Variants in SESTD1 observed in about 807,000 individuals in gnomAD.
SESTD1 encodes SEC14 domain and spectrin repeat-containing protein 1.
In SESTD1, 43 loss-of-function variants were observed where a neutral mutation model predicts 101.7. The observed-to-expected ratio is 0.42, with a 90% CI of 0.33 to 0.55. SESTD1 has a LOEUF of 0.55. SESTD1 is among the 20% of genes least tolerant of loss of function. The pLI, the probability that SESTD1 is intolerant of heterozygous loss-of-function variation, is 0.07. For missense variants in SESTD1, 647 were observed against 815.1 expected, an observed-to-expected ratio of 0.79 and a Z score of 2.51; for synonymous variants, 283 against 286.8, an observed-to-expected ratio of 0.99 and a Z score of 0.13.
chr2:179,116,489 C>A, intron 15 of SESTD1, 179 bp downstream of exon 15: 1 of 882,724 alleles, frequency 1.1e-6, no homozygotes, highest in Non-Finnish European at 1.8e-6. Context: ...GAAACGTAAA[C>A]CCTCTCAAGT....
In SESTD1 at chr2:179,251,826, T is replaced by A. The variant is rs563916678; in HGVS notation, c.-26+12673A>T. Among the ~76,000 whole-genome samples the A allele has an allele frequency of 2.0e-5, 3 of 152,290 alleles. No homozygotes were observed. The South Asian group carries it at 6.2e-4, about 32-fold the overall frequency. On this transcript the variant is annotated intron_variant, in intron 1 of 17. Coordinates refer to ENST00000428443, the MANE Select transcript of SESTD1 (RefSeq NM_178123.5). Reference sequence around the variant, plus strand: ...GATGGTCAACTACAAACCAAGAAGCTGGCCCTCACCAGATACAAAATCTGC... The same window carrying A: ...GATGGTCAACTACAAACCAAGAAGCAGGCCCTCACCAGATACAAAATCTGC...
At chr2:179,171,050 T>C (rs2045921721) in intron 5 of SESTD1, among the ~76,000 whole-genome samples, 1 of 152,124 alleles carries the variant, frequency 6.6e-6, no homozygotes, top group Non-Finnish European at 1.5e-5. Flanking sequence ...CAGAAACAGT[T>C]TTCCTACCAC....
chr2:179,153,853 C>T (rs2045574932), intron 5 of SESTD1, among the ~76,000 whole-genome samples: 1 of 151,932 alleles, frequency 6.6e-6, no homozygotes, highest in Non-Finnish European at 1.5e-5. Flanking sequence ...ATAATAAATG[C>T]CATGAATCGA....
At chr2:179,188,931 A>T (rs1346753673) in intron 2 of SESTD1, among the ~76,000 whole-genome samples, 3 of 152,156 alleles carry the variant, frequency 2.0e-5, no homozygotes, top group Admixed American at 6.5e-5. Context: ...TGAATTGGTA[A>T]TTTAAAAAAA....
At chr2:179,137,222 T>C (rs1388873736) in intron 9 of SESTD1, among the ~76,000 whole-genome samples, 1 of 152,148 alleles carries the variant, frequency 6.6e-6, no homozygotes, top group Non-Finnish European at 1.5e-5. Context: ...GCTTTTAGAA[T>C]CCACCATGAA....
intron 1 of SESTD1, among the ~76,000 whole-genome samples, chr2:179,231,064 T>C (rs974856044): frequency 1.3e-5 from 2 of 152,140 alleles, no homozygotes; most frequent in African/African-American, 4.8e-5. Context: ...CAAGGACTTA[T>C]TTCCACCCAA....
rs1041510509 is a variant in SESTD1 at position 179,216,701 on chromosome 2, C to A, written c.-25-24835G>T. On this transcript the variant is annotated intron_variant, in intron 1 of 17. Transcript: ENST00000428443. ...ACAATCCTACGCAAAAAGAACAAGG[C>A]TGTAGGCATCATGTTACCAGACTTC... 2.4e-4 allele frequency among the ~76,000 whole-genome samples: 33 copies of A among 135,244 alleles called. 7 individuals are homozygous for A. Among genetic ancestry groups the A allele is most frequent in the African/African-American group, 9.6e-4 (33 of 34,264 alleles). 88.7% of individuals were successfully genotyped at this position (135,244 alleles called of 152,430 possible). A position where few individuals can be genotyped will look rare whatever the true frequency, so the allele number is the denominator to read the frequency against.
chr2:179,224,194 A>C (rs1574047973), intron 1 of SESTD1, among the ~76,000 whole-genome samples: 1 of 152,200 alleles, frequency 6.6e-6, no homozygotes, highest in African/African-American at 2.4e-5. Flanking sequence ...AAATAACAAT[A>C]ATGCTAACAT....
intron 1 of SESTD1, among the ~76,000 whole-genome samples, chr2:179,194,591 C>T (rs2046363047): frequency 6.6e-6 from 1 of 152,174 alleles, no homozygotes; most frequent in Non-Finnish European, 1.5e-5. Context: ...ATACCCCAAA[C>T]CCCCAGGAGT....
intron 9 of SESTD1, among the ~76,000 whole-genome samples, chr2:179,142,878 G>T (rs984119980): frequency 2.6e-5 from 4 of 152,086 alleles, no homozygotes; most frequent in Non-Finnish European, 5.9e-5. Context: ...TTTATATCCT[G>T]TAAAAAACCT....
At chr2:179,256,188 T>A (rs1217033453) in intron 1 of SESTD1, among the ~76,000 whole-genome samples, 1 of 152,216 alleles carries the variant, frequency 6.6e-6, no homozygotes, top group African/African-American at 2.4e-5. Context: ...CTTTCAAGTC[T>A]TATTATTTTA....
intron 3 of SESTD1, among the ~76,000 whole-genome samples, chr2:179,181,663 C>T (rs1389678522): frequency 6.6e-6 from 1 of 152,088 alleles, no homozygotes; most frequent in Non-Finnish European, 1.5e-5. Flanking sequence ...GTAACCATAA[C>T]CTCAGAGTTT....
At chr2:179,136,130 C>T (rs1015041454) in intron 9 of SESTD1, among the ~76,000 whole-genome samples, 3 of 152,174 alleles carry the variant, frequency 2.0e-5, no homozygotes, top group Non-Finnish European at 4.4e-5. Flanking sequence ...TCTGCCACTA[C>T]TGGTGGGTCT....
chr2:179,242,672 T>C (rs2047172567), intron 1 of SESTD1, among the ~76,000 whole-genome samples: 1 of 151,966 alleles, frequency 6.6e-6, no homozygotes, highest in African/African-American at 2.4e-5. Context: ...ACCTCAGCCA[T>C]CTGCTCTTCA....
At chr2:179,262,464 C>G (rs925073137) in intron 1 of SESTD1, among the ~76,000 whole-genome samples, 7 of 152,094 alleles carry the variant, frequency 4.6e-5, no homozygotes, top group African/African-American at 1.7e-4. Flanking sequence ...AATCATGGCT[C>G]ACTTCTCTGC....
intron 1 of SESTD1, among the ~76,000 whole-genome samples, chr2:179,257,557 A>T (rs1339050049): frequency 1.3e-5 from 2 of 152,234 alleles, no homozygotes; most frequent in Non-Finnish European, 2.9e-5. Context: ...AACTGGCAAT[A>T]TCTTAGAGGT....
intron 10 of SESTD1, among the ~76,000 whole-genome samples, chr2:179,126,183 T>G (rs2044869263): frequency 6.6e-6 from 1 of 152,242 alleles, no homozygotes; most frequent in Non-Finnish European, 1.5e-5. Context: ...ATTTACTCTT[T>G]TCTCATTTTT....
chr2:179,243,333 G>A (rs2047182066), intron 1 of SESTD1, among the ~76,000 whole-genome samples: 1 of 152,204 alleles, frequency 6.6e-6, no homozygotes, highest in South Asian at 2.1e-4. Flanking sequence ...TTCAGCCAGT[G>A]GGGAAAGCAG....
intron 13 of SESTD1, among the ~76,000 whole-genome samples, chr2:179,120,002 G>T (rs1240522915): frequency 6.6e-6 from 1 of 152,060 alleles, no homozygotes; most frequent in East Asian, 1.9e-4. Context: ...AAGCCAAAGT[G>T]GGCGGATCAC....
Sources: allele counts gnomAD v4.1 joint callset (sites outside exome capture counted in the v4.1 genomes callset), GRCh38; gene constraint gnomAD v4.1.1; transcripts MANE v1.5; gene names NCBI Gene and HGNC (gene_info 2026-07-23, HGNC 2026-07-21).